Variants in SERBP1 observed in about 807,000 individuals in gnomAD.
SERBP1 encodes the protein SERPINE1 mRNA-binding protein 1.
A neutral mutation model predicts 50.2 loss-of-function variants in SERBP1; 6 were observed. That is an observed-to-expected ratio of 0.12 (90% CI 0.07 to 0.24). SERBP1 has a LOEUF of 0.24. Among genes scored for constraint, SERBP1 ranks in the 10% least tolerant of loss-of-function variants. SERBP1 has a pLI of 1.00. For missense variants in SERBP1, 346 were observed against 524.9 expected (o/e 0.66, Z 3.33); for synonymous variants, 168 against 182.8 (o/e 0.92, Z 0.65).
intron 4 of SERBP1, 47 bp from the exon 5 acceptor site, chr1:67,424,324 T>C (rs747959786): frequency 2.5e-6 from 4 of 1,589,654 alleles, no homozygotes; most frequent in Non-Finnish European, 3.4e-6. Context: ...GGGGACTCTC[T>C]AAGGAAAGAA....
At chr1:67,416,562 T>C (rs1365790613) in intron 6 of SERBP1, among the ~76,000 whole-genome samples, 3 of 152,228 alleles carry the variant, frequency 2.0e-5, no homozygotes, top group Non-Finnish European at 4.4e-5. Context: ...TCTTCTTTTC[T>C]AAAGGGATAA....
Position 67,413,033 on chromosome 1 carries a change from T to C in SERBP1, c.*174A>G. On this transcript the variant is annotated 3_prime_UTR_variant, in exon 8 of 8. Transcript: ENST00000361219. ...AACTGACTACCATATTTGTTACTTC[T>C]GTGTAGCGGGAGAAGTTCATTTTTA... The C allele has an allele frequency of 1.3e-6, 1 of 758,028 alleles. No individual in the cohort carries two copies. 47.0% of individuals were successfully genotyped at this position (758,028 alleles called of 1,614,324 possible).
At chr1:67,415,142 A>C (rs1666960392) in intron 7 of SERBP1, 24 bp downstream of exon 7, 3 of 1,548,948 alleles carry the variant, frequency 1.9e-6, no homozygotes, top group South Asian at 1.2e-5. Flanking sequence ...AATTATGTAA[A>C]AGGAAAAGAA....
Position 67,415,209 on chromosome 1 carries a change from C to T in SERBP1, c.1082G>A (p.Arg361His), listed in dbSNP as rs754786782. The change falls in exon 7 of 8, where the codon CGT becomes CAT. Residue 361 changes from arginine to histidine, a missense_variant. Coordinates refer to ENST00000361219, the MANE Select transcript of SERBP1 (RefSeq NM_001018069.2). ...GRGGRGGRGGRGRGGRPNRGS... is the reference protein window; with the variant it reads ...GRGGRGGRGGHGRGGRPNRGS... ...ACGGTTTGGGCGCCCACCACGCCCA[C>T]GTCCACCTCGTCCTCCCCTGCCGCC... The T allele has an allele frequency of 7.4e-6, 12 of 1,610,976 alleles. No homozygotes were observed. Among genetic ancestry groups the T allele is most frequent in the African/African-American group, 4.0e-5 (3 of 74,758 alleles).
chr1:67,413,666 A>AC (rs1182600710), intron 7 of SERBP1, among the ~76,000 whole-genome samples: 3 of 151,980 alleles, frequency 2.0e-5, no homozygotes, highest in African/African-American at 7.2e-5. Flanking sequence ...AAAAAAAAAA[A>AC]ATCCTACTGT....
intron 7 of SERBP1, among the ~76,000 whole-genome samples, chr1:67,413,858 G>A (rs2100410412): frequency 6.6e-6 from 1 of 152,040 alleles, no homozygotes; most frequent in Non-Finnish European, 1.5e-5. Flanking sequence ...TCAGGATGGA[G>A]TGCAGTAACA....
intron 7 of SERBP1, among the ~76,000 whole-genome samples, chr1:67,413,800 G>GT (rs1482940700): frequency 2.0e-5 from 3 of 151,932 alleles, no homozygotes; most frequent in African/African-American, 7.3e-5. Flanking sequence ...AATAATATGG[G>GT]TTGTTTTCTT....
At chr1:67,424,323 C>CT (rs755599782) in intron 4 of SERBP1, 46 bp from the exon 5 acceptor site, 3 of 1,589,582 alleles carry the variant, frequency 1.9e-6, no homozygotes, top group African/African-American at 2.7e-5. Flanking sequence ...GGGGGACTCT[C>CT]TAAGGAAAGA....
intron 2 of SERBP1, 103 bp downstream of exon 2, chr1:67,426,032 T>C: frequency 2.1e-6 from 2 of 955,436 alleles, no homozygotes; most frequent in Non-Finnish European, 3.1e-6. Flanking sequence ...AGAGGATCAT[T>C]TGAGCCCAGG....
intron 5 of SERBP1, among the ~76,000 whole-genome samples, chr1:67,421,662 A>G (rs1667201376): frequency 6.6e-6 from 1 of 152,142 alleles, no homozygotes; most frequent in African/African-American, 2.4e-5. Context: ...GGGCTCTATT[A>G]AACAGTTGTG....
chr1:67,424,743 A>G (rs1667313869), intron 4 of SERBP1, 145 bp downstream of exon 4: 3 of 671,764 alleles, frequency 4.5e-6, no homozygotes, highest in Non-Finnish European at 7.8e-6. Context: ...TATAACCCAA[A>G]CCCATCCCAT....
chr1:67,422,235 A>G (rs757807710), intron 5 of SERBP1, among the ~76,000 whole-genome samples: 1 of 152,006 alleles, frequency 6.6e-6, no homozygotes, highest in Non-Finnish European at 1.5e-5. Context: ...GAAAAAGTTT[A>G]AGGTGCGGCA....
intron 5 of SERBP1, among the ~76,000 whole-genome samples, chr1:67,421,586 T>C (rs1174637619): frequency 1.3e-5 from 2 of 152,266 alleles, no homozygotes; most frequent in Non-Finnish European, 2.9e-5. Flanking sequence ...ACCAATAGCC[T>C]ATCAATACAT....
rs1292469996 is a variant in SERBP1, at chr1:67,409,356, C to A, written c.*3851G>T. On this transcript the variant is annotated 3_prime_UTR_variant, in exon 8 of 8. Coordinates refer to ENST00000361219, the MANE Select transcript of SERBP1 (RefSeq NM_001018069.2). ...TTTTTTTTTTTTAATCCTATACAAGCCTAAAAACCATTCTTAACTCAGGGA... is the reference window on the plus strand; with the variant it reads ...TTTTTTTTTTTTAATCCTATACAAGACTAAAAACCATTCTTAACTCAGGGA... 1 of 143,840 alleles carries A rather than the reference C, an allele frequency of 7.0e-6. No homozygotes were observed. The highest frequency in any genetic ancestry group is 2.6e-5 in the African/African-American group (1 of 39,208). The allele number at this position is 143,840 out of a possible 1,614,324, so 8.9% of individuals were successfully genotyped here. A position where few individuals can be genotyped will look rare whatever the true frequency, so the allele number is the denominator to read the frequency against.
chr1:67,424,356 T>G lies in SERBP1; in HGVS notation c.696-79A>C, dbSNP rs781089071. 5.1e-6 allele frequency: 8 copies of G among 1,560,754 alleles called. No homozygotes were observed. In the Admixed American group the frequency reaches 1.6e-4, roughly 31 times the overall value. On this transcript the variant is annotated intron_variant, in intron 4 of 7. Transcript: ENST00000361219. ...AGAAAGAAAAAGAAAGGCATCTAGG[T>G]CCATTTACATGTAGCTGAAAAGTTC...
chr1:67,416,187 G>C (rs974065431), intron 6 of SERBP1, among the ~76,000 whole-genome samples: 1 of 151,912 alleles, frequency 6.6e-6, no homozygotes, highest in Non-Finnish European at 1.5e-5. Context: ...TAATTTTTTT[G>C]TATTTTTTAT....
chr1:67,430,031 G>C lies in SERBP1; in HGVS notation c.270C>G (p.Asp90Glu), dbSNP rs992324042. 6.2e-7 allele frequency: 1 copy of C among 1,612,798 alleles called. No homozygotes were observed. The highest frequency in any genetic ancestry group is 1.7e-5 in the Admixed American group (1 of 59,726). ...NPLPPSVGVVDKKEETQPPVA... is the reference protein window; with the variant it reads ...NPLPPSVGVVEKKEETQPPVA... ...CGGGCGGCTGCGTCTCCTCTTTCTT[G>C]TCAACCACGCCAACGCTGGGGGGCA... The change falls in exon 1 of 8, where the codon GAC becomes GAG. Residue 90 changes from aspartate to glutamate, a missense_variant. Physicochemically the swap from Asp to Glu is conservative, Grantham distance 45. This residue lies in a region of SERBP1 where 257 missense variants were observed against 331.2 expected (regional missense o/e 0.78). Coordinates refer to ENST00000361219, the MANE Select transcript of SERBP1 (RefSeq NM_001018069.2).
rs745534698 is a variant in SERBP1, at chr1:67,420,060, A to G, written c.900T>C (p.Ala300=). The change falls in exon 6 of 8, where the codon GCT becomes GCC. Residue 300 remains alanine, a synonymous_variant. Transcript: ENST00000361219. ...EFNIRKPNEG[A]DGQWKKGFVL... ...CAAATCCCTTCTTCCACTGCCCATC[A>G]GCACCTTCATTTGGTTTTCGGATAT... The G allele has an allele frequency of 2.5e-6, 4 of 1,613,656 alleles. No individual in the cohort carries two copies. In the South Asian group the frequency reaches 4.4e-5, roughly 18 times the overall value.
intron 1 of SERBP1, among the ~76,000 whole-genome samples, chr1:67,427,707 T>C (rs771763286): frequency 5.9e-5 from 9 of 152,192 alleles, no homozygotes; most frequent in Non-Finnish European, 8.8e-5. Flanking sequence ...AAGTGAACAA[T>C]AGTTGGCGTC....
Sources: gnomAD v4.1 joint callset for allele counts (sites outside exome capture counted in the v4.1 genomes callset) on GRCh38, gnomAD v4.1.1 for gene constraint, gnomAD v4.1.1 regional missense constraint, MANE v1.5 for transcripts, NCBI Gene and HGNC (gene_info 2026-07-23, HGNC 2026-07-21) for gene names.